Variants in EHMT2 observed in about 807,000 individuals in gnomAD.
EHMT2 encodes euchromatic histone lysine methyltransferase 2.
A neutral mutation model predicts 143.3 loss-of-function variants in EHMT2; 59 were observed. The ratio of observed to expected loss-of-function variants is 0.41; its 90% CI spans 0.33 to 0.51. The LOEUF is 0.51. Among genes scored for constraint, EHMT2 ranks in the 20% least tolerant of loss-of-function variants. The pLI is 0.18. For missense variants in EHMT2, 1,174 were observed against 1,645.9 expected (o/e 0.71, Z 4.96); for synonymous variants, 604 against 651.5 (o/e 0.93, Z 1.11).
chr6:31,892,852 A>G, exon 5 of EHMT2: 2 of 1,603,866 alleles, frequency 1.2e-6, no homozygotes, highest in Non-Finnish European at 1.7e-6. Flanking sequence ...CAGTGAGTGG[A>G]CATCATCACT....
In EHMT2 at chr6:31,881,197, G is replaced by T; in HGVS notation, c.3198-105C>A. 1 of 1,017,492 alleles carries T rather than the reference G, an allele frequency of 9.8e-7. No homozygotes were observed. The highest frequency in any genetic ancestry group is 1.5e-6 in the Non-Finnish European group (1 of 650,112). The allele number at this position is 1,017,492 out of a possible 1,614,324, so 63.0% of individuals were successfully genotyped here. On this transcript the variant is annotated intron_variant, in intron 25 of 27. Coordinates refer to ENST00000375537, the Ensembl canonical transcript of EHMT2. The surrounding 1 kb of genome is among the most constrained non-coding windows in gnomAD (Gnocchi z 4.8). ...GCCTGTGGAATCTGGAATGGGCAGG[G>T]CTGGCAGGTGTGGGGAAGGGAAGGC... is the stretch of plus-strand genomic sequence containing the variant.
chr6:31,883,853 A>G lies in EHMT2; in HGVS notation c.2869T>C (p.Cys957Arg). 1 of 1,613,978 alleles carries G rather than the reference A, an allele frequency of 6.2e-7. No homozygotes were observed. The highest frequency in any genetic ancestry group is 1.1e-5 in the South Asian group (1 of 91,070). ...TCGATGTTCATGGTGGACGTCTCGC[A>G]GTTCTCTGAGATGTACTTGTAATCC... is the stretch of plus-strand genomic sequence containing the variant. Residue 957 changes from cysteine to arginine, a missense_variant, in exon 22 of 28, where the codon TGC becomes CGC. Around this residue, in one of 6 missense-constraint regions of EHMT2, gnomAD observed 608 missense variants for 903.7 expected, o/e 0.67. Coordinates refer to ENST00000375537, the Ensembl canonical transcript of EHMT2. The surrounding 1 kb of genome is among the most constrained non-coding windows in gnomAD (Gnocchi z 5.6).
chr6:31,886,832 G>A (rs1171803728), exon 17 of EHMT2: 1 of 1,614,240 alleles, frequency 6.2e-7, no homozygotes, highest in African/African-American at 1.3e-5. Flanking sequence ...CCAGGTGGTT[G>A]TTCACCACGG....
chr6:31,891,221 A>G (rs1249086162), intron 7 of EHMT2, among the ~76,000 whole-genome samples: 1 of 152,230 alleles, frequency 6.6e-6, no homozygotes, highest in Non-Finnish European at 1.5e-5. Flanking sequence ...TTGGGATTAC[A>G]GGCGTGAGCC....
Position 31,892,395 on chromosome 6 carries a change from GCTCTGT to G in EHMT2, c.864+6_864+11del, listed in dbSNP as rs768204307. ...GAGCACCGGCGGGGAGGGCAGACCA[GCTCTGT>G]CTCACCTTGCTGTCGGAGTCCACGC... On this transcript the variant is annotated splice_donor_region_variant and intron_variant, in intron 7 of 27. Coordinates refer to ENST00000375537, the Ensembl canonical transcript of EHMT2. 1 of 1,611,298 alleles carries G rather than the reference GCTCTGT, an allele frequency of 6.2e-7. No individual in the cohort carries two copies. Among genetic ancestry groups the G allele is most frequent in the Non-Finnish European group, 8.5e-7 (1 of 1,178,788 alleles).
intron 25 of EHMT2, 111 bp downstream of exon 25, chr6:31,882,588 A>T (rs1331707574): frequency 2.8e-6 from 3 of 1,076,452 alleles, no homozygotes; most frequent in African/African-American, 1.6e-5. Context: ...GAGAGTGGCC[A>T]GATGGAGACA....
chr6:31,895,252 T>C (rs777620259), intron 4 of EHMT2: 1 of 152,232 alleles, frequency 6.6e-6, no homozygotes, highest in Non-Finnish European at 1.5e-5. Flanking sequence ...TTCATGTGCC[T>C]AATATCTGTG....
At chr6:31,882,824 T>C (rs545812858) in intron 24 of EHMT2, 39 bp from the exon 25 acceptor site, 7 of 1,611,366 alleles carry the variant, frequency 4.3e-6, no homozygotes, top group Non-Finnish European at 5.9e-6. Flanking sequence ...GTGGAGGCCC[T>C]GGAAAAGCCC....
rs141635798 is a variant in EHMT2 at position 31,888,639 on chromosome 6, G to A, written c.1325C>T (p.Ala442Val). 1.9e-6 allele frequency: 3 copies of A among 1,613,490 alleles called. No homozygotes were observed. The highest frequency in any genetic ancestry group is 1.7e-5 in the Admixed American group (1 of 60,012). Residue 442 changes from alanine to valine, a missense_variant, in exon 11 of 28, where the codon GCG (alanine) becomes GTG (valine). Transcript: ENST00000375537. This position sits in a 1 kb window ranked among gnomAD's most constrained non-coding sequence, Gnocchi z 7.4. The stretch of plus-strand genomic sequence containing the variant: ...CTCAGTGGCCATGCACTTGTGCCCC[G>A]CCCTCTCGCTGATGCGGTCAATCTT...
At chr6:31,887,204 T>G in intron 15 of EHMT2, 103 bp from the exon 16 acceptor site, 1 of 951,366 alleles carries the variant, frequency 1.1e-6, no homozygotes, top group Non-Finnish European at 1.6e-6. Flanking sequence ...GGCCCCAAGC[T>G]GGATCAGGGC....
At position 31,880,350 on chromosome 6, in the gene EHMT2, G is replaced by A; in HGVS notation, c.3453-86C>T. On this transcript the variant is annotated intron_variant, in intron 27 of 27. Coordinates refer to ENST00000375537, the Ensembl canonical transcript of EHMT2. The surrounding 1 kb of genome is among the most constrained non-coding windows in gnomAD (Gnocchi z 6.6). The stretch of plus-strand genomic sequence containing the variant: ...AGACCCTGTGGATCCTGCTCCCTGA[G>A]AGGGACCCGACACCCAACCTATCTT... 1 of 1,473,344 alleles carries A rather than the reference G, an allele frequency of 6.8e-7. No homozygotes were observed. The highest frequency in any genetic ancestry group is 9.2e-7 in the Non-Finnish European group (1 of 1,083,832). 91.3% of individuals were successfully genotyped at this position (1,473,344 alleles called of 1,614,324 possible).
chr6:31,886,635 G>A, exon 18 of EHMT2: 1 of 1,613,678 alleles, frequency 6.2e-7, no homozygotes, highest in Non-Finnish European at 8.5e-7. Context: ...CCATCTCCAA[G>A]TTCCCGATTT....
rs1401885830 is a variant in EHMT2 at position 31,884,151 on chromosome 6, G to T, written c.2772-201C>A. ...TTTAGTATGTCCCAAAAATTACACAGGACATTCTCACACTAAAAAAGTATG... is the reference window on the plus strand; with the variant it reads ...TTTAGTATGTCCCAAAAATTACACATGACATTCTCACACTAAAAAAGTATG... On this transcript the variant is annotated intron_variant, in intron 21 of 27. Coordinates refer to ENST00000375537, the Ensembl canonical transcript of EHMT2. The surrounding 1 kb of genome is among the most constrained non-coding windows in gnomAD (Gnocchi z 7.3). 6 of 711,130 alleles carry T rather than the reference G, an allele frequency of 8.4e-6. No individual in the cohort carries two copies. Among genetic ancestry groups the T allele is most frequent in the African/African-American group, 7.2e-5 (4 of 55,898 alleles). 44.1% of individuals were successfully genotyped at this position (711,130 alleles called of 1,614,324 possible).
exon 24 of EHMT2, chr6:31,882,969 G>A: frequency 6.2e-7 from 1 of 1,612,952 alleles, no homozygotes. Context: ...GAAAATCAGC[G>A]GAGGCTCAAT....
chr6:31,886,972 C>T (rs527363421), intron 16 of EHMT2, 23 bp downstream of exon 16: 4 of 1,613,794 alleles, frequency 2.5e-6, no homozygotes, highest in Non-Finnish European at 3.4e-6. Flanking sequence ...GTGAATGAGG[C>T]ATGGGGCCGG....
intron 25 of EHMT2, 123 bp downstream of exon 25, chr6:31,882,576 T>C: frequency 1.0e-6 from 1 of 977,786 alleles, no homozygotes; most frequent in Non-Finnish European, 1.6e-6. Flanking sequence ...GGAGGCTGGC[T>C]GGAGAGTGGC....
In EHMT2 at chr6:31,883,017, G is replaced by A; in HGVS notation, c.2995-8C>T. ...CTGGAGCAATCGCCCATCCTAGGGT[G>A]CGGAGGGGAGGATAGTGGTTTCTCT... On this transcript the variant is annotated splice_polypyrimidine_tract_variant and splice_region_variant and intron_variant, in intron 23 of 27. Coordinates refer to ENST00000375537, the Ensembl canonical transcript of EHMT2. The surrounding 1 kb of genome is among the most constrained non-coding windows in gnomAD (Gnocchi z 5.6). 1 of 1,611,638 alleles carries A rather than the reference G, an allele frequency of 6.2e-7. No individual in the cohort carries two copies. The highest frequency in any genetic ancestry group is 1.1e-5 in the South Asian group (1 of 90,938).
rs1385863098 is a variant in EHMT2, at chr6:31,888,630, T to C, written c.1334A>G (p.Lys445Arg). ...GTCCACACTCTCAGTGGCCATGCAC[T>C]TGTGCCCCGCCCTCTCGCTGATGCG... The change falls in exon 11 of 28, where the codon AAG (lysine) becomes AGG (arginine). Residue 445 changes from lysine to arginine, a missense_variant. Coordinates refer to ENST00000375537, the Ensembl canonical transcript of EHMT2. The surrounding 1 kb of genome is among the most constrained non-coding windows in gnomAD (Gnocchi z 7.4). 2.5e-6 allele frequency: 4 copies of C among 1,613,512 alleles called. No homozygotes were observed. The highest frequency in any genetic ancestry group is 3.4e-6 in the Non-Finnish European group (4 of 1,179,998).
chr6:31,880,237 G>A lies in EHMT2; in HGVS notation c.3480C>T (p.Asp1160=), dbSNP rs1322752861. Reference sequence around the variant, plus strand: ...GGCAGGTGAAATATTTGCTTTTGATGTCCCAGAAGCGGTCGCCATAGTCAA... The same window carrying A: ...GGCAGGTGAAATATTTGCTTTTGATATCCCAGAAGCGGTCGCCATAGTCAA... The change falls in exon 28 of 28, where the codon GAC becomes GAT. Residue 1160 remains aspartate, a synonymous_variant. Transcript: ENST00000375537. The surrounding 1 kb of genome is among the most constrained non-coding windows in gnomAD (Gnocchi z 6.6). 3.1e-6 allele frequency: 5 copies of A among 1,612,818 alleles called. 1 individual carries two copies. The highest frequency in any genetic ancestry group is 1.7e-5 in the Admixed American group (1 of 60,016).
Sources: allele counts gnomAD v4.1 joint callset (sites outside exome capture counted in the v4.1 genomes callset), GRCh38; gene constraint gnomAD v4.1.1; regional missense constraint gnomAD v4.1.1; non-coding constraint Gnocchi (gnomAD v3.1); transcripts MANE v1.5; gene names NCBI Gene and HGNC (gene_info 2026-07-23, HGNC 2026-07-21).